HMGCLL1: variants seen among roughly 807,000 people sequenced by gnomAD.
The protein encoded by HMGCLL1 is 3-hydroxymethyl-3-methylglutaryl-CoA lyase, cytoplasmic.
Under a neutral mutation model 39.1 loss-of-function variants are expected in HMGCLL1, and 36 were observed. The ratio of observed to expected loss-of-function variants is 0.92; its 90% CI spans 0.71 to 1.22. The LOEUF (loss-of-function observed/expected upper bound fraction) is 1.22, where lower values mean the gene tolerates loss of function less well. HMGCLL1 is among the 50% of genes most tolerant of loss of function. The probability of loss-of-function intolerance (pLI) is 0.00; values close to 1 mark genes in which losing one functional copy is unlikely to be tolerated. For synonymous variants in HMGCLL1, 149 were observed against 144.0 expected, an observed-to-expected ratio of 1.03 and a Z score of -0.25; for missense variants, 451 against 416.5, an observed-to-expected ratio of 1.08 and a Z score of -0.72.
chr6:55,528,225 T>A (rs1021517399), intron 3 of HMGCLL1, among the ~76,000 whole-genome samples: 5 of 152,082 alleles, frequency 3.3e-5, no homozygotes, highest in African/African-American at 9.7e-5. Flanking sequence ...ACAGTATTAC[T>A]TTCTATATGC....
intron 7 of HMGCLL1, among the ~76,000 whole-genome samples, chr6:55,489,457 A>G (rs2127419270): frequency 6.6e-6 from 1 of 152,098 alleles, no homozygotes; most frequent in Admixed American, 6.6e-5. Flanking sequence ...ATACTATAAA[A>G]GCCAAATTTA....
At chr6:55,451,002 C>A (rs1764056175) in intron 7 of HMGCLL1, among the ~76,000 whole-genome samples, 1 of 152,124 alleles carries the variant, frequency 6.6e-6, no homozygotes, top group Non-Finnish European at 1.5e-5. Flanking sequence ...GAGTTCATCT[C>A]ATTTCTAGCT....
At chr6:55,609,189 A>G in the HMGCLL1 span, among the ~76,000 whole-genome samples, 1 of 152,326 alleles carries the variant, frequency 6.6e-6, no homozygotes, top group East Asian at 1.9e-4. Context: ...AGGGAGGGGC[A>G]GCCATCACCA....
chr6:55,539,843 A>G (rs537441344), intron 3 of HMGCLL1, among the ~76,000 whole-genome samples: 2 of 142,144 alleles, frequency 1.4e-5, no homozygotes, highest in African/African-American at 5.3e-5. Flanking sequence ...TTGTACCCCT[A>G]AAGTGAAAGA....
chr6:55,583,635 G>A (rs1357536475), upstream of HMGCLL1, among the ~76,000 whole-genome samples: 2 of 152,050 alleles, frequency 1.3e-5, no homozygotes, highest in South Asian at 4.2e-4. Flanking sequence ...TTGCTATTGT[G>A]AATAGTGCCA....
chr6:55,662,492 T>C, the HMGCLL1 span, among the ~76,000 whole-genome samples: 1 of 151,888 alleles, frequency 6.6e-6, no homozygotes, highest in Admixed American at 6.6e-5. Context: ...ATTTATTGAT[T>C]TGTGTATGTT....
the HMGCLL1 span, among the ~76,000 whole-genome samples, chr6:55,627,961 A>ATT: frequency 0.21 from 173 of 842 alleles, 69 homozygotes; most frequent in Middle Eastern, 0.5. Flanking sequence ...CTATATATAT[A>ATT]ATATATATAT....
At chr6:55,552,206 G>A (rs2127465109) in intron 1 of HMGCLL1, among the ~76,000 whole-genome samples, 1 of 152,028 alleles carries the variant, frequency 6.6e-6, no homozygotes, top group East Asian at 1.9e-4. Flanking sequence ...CAACCCCGTA[G>A]TGATCTATCT....
chr6:55,569,976 T>C (rs973568961), intron 1 of HMGCLL1, among the ~76,000 whole-genome samples: 3 of 152,114 alleles, frequency 2.0e-5, no homozygotes, highest in African/African-American at 7.2e-5. Flanking sequence ...AAAAGCTAGA[T>C]TCTTCATGCT....
the HMGCLL1 span, among the ~76,000 whole-genome samples, chr6:55,637,771 T>A: frequency 1.3e-5 from 2 of 151,738 alleles, no homozygotes; most frequent in Admixed American, 1.3e-4. Context: ...TGTGTGTGTT[T>A]CCCATCAGCA....
chr6:55,537,264 C>A (rs1769088406), intron 3 of HMGCLL1, among the ~76,000 whole-genome samples: 1 of 152,110 alleles, frequency 6.6e-6, no homozygotes, highest in South Asian at 2.1e-4. Context: ...GTGACTGATA[C>A]AACTTTGGAA....
At chr6:55,563,759 A>T (rs1771079307) in intron 1 of HMGCLL1, 1 of 631,710 alleles carries the variant, frequency 1.6e-6, no homozygotes, top group South Asian at 1.6e-5. Context: ...AATGACAAGG[A>T]TCATATTTTA....
At chr6:55,435,977 A>T (rs981704824) in intron 8 of HMGCLL1, among the ~76,000 whole-genome samples, 2 of 152,028 alleles carry the variant, frequency 1.3e-5, no homozygotes, top group Non-Finnish European at 2.9e-5. Context: ...CATATCTTTA[A>T]TCTGACCCTT....
chr6:55,538,582 G>A (rs867275691), intron 3 of HMGCLL1, among the ~76,000 whole-genome samples: 1 of 152,058 alleles, frequency 6.6e-6, no homozygotes, highest in Non-Finnish European at 1.5e-5. Context: ...AAATAGTTTT[G>A]TGACCTTCAT....
At chr6:55,667,990 G>C in the HMGCLL1 span, among the ~76,000 whole-genome samples, 1 of 151,576 alleles carries the variant, frequency 6.6e-6, no homozygotes, top group Non-Finnish European at 1.5e-5. Flanking sequence ...CTATGCTTGG[G>C]GAATTTTCCT....
chr6:55,569,881 A>C (rs540721558), intron 1 of HMGCLL1, among the ~76,000 whole-genome samples: 6 of 152,286 alleles, frequency 3.9e-5, no homozygotes, highest in Non-Finnish European at 7.4e-5. Context: ...CTAGTCAGCC[A>C]TTTCCCTTCA....
At chr6:55,675,162 T>C in the HMGCLL1 span, among the ~76,000 whole-genome samples, 1 of 152,116 alleles carries the variant, frequency 6.6e-6, no homozygotes, top group Non-Finnish European at 1.5e-5. Flanking sequence ...TAAGGTAGAA[T>C]GCAATCACTG....
At position 55,543,453 on chromosome 6, in the gene HMGCLL1, ATATATATC is replaced by A. The variant is rs1769725256; in HGVS notation, c.109-1321_109-1314del. On this transcript the variant is annotated intron_variant, in intron 1 of 8. Coordinates refer to ENST00000274901, the MANE Select transcript of HMGCLL1 (RefSeq NM_001042406.2). ...TCATATATCATATATGATATATATG[ATATATATC>A]ATATATATCATATATAATATATATA... Among the ~76,000 whole-genome samples the A allele has an allele frequency of 7.5e-4, 9 of 12,002 alleles. No individual in the cohort carries two copies. The South Asian group carries it at 0.022, about 30-fold the overall frequency. 7.9% of individuals were successfully genotyped at this position (12,002 alleles called of 152,430 possible).
At chr6:55,623,006 G>A in the HMGCLL1 span, among the ~76,000 whole-genome samples, 14 of 152,084 alleles carry the variant, frequency 9.2e-5, no homozygotes, top group African/African-American at 2.9e-4. Flanking sequence ...TATATGTCTA[G>A]GAATTTGTAT....
Sources: allele counts gnomAD v4.1 joint callset (sites outside exome capture counted in the v4.1 genomes callset), GRCh38; gene constraint gnomAD v4.1.1; transcripts MANE v1.5; gene names NCBI Gene and HGNC (gene_info 2026-07-23, HGNC 2026-07-21).